The following CAPS2 variants were observed in gnomAD, a reference collection of about 807,000 sequenced individuals.
CAPS2 encodes calcyphosin-2.
A neutral mutation model predicts 86.5 loss-of-function variants in CAPS2; 98 were observed. That is an observed-to-expected ratio of 1.13 (90% CI 0.96 to 1.34). The LOEUF (loss-of-function observed/expected upper bound fraction) is 1.34. CAPS2 is among the 40% of genes most tolerant of loss of function. The pLI, the probability that CAPS2 is intolerant of heterozygous loss-of-function variation, is 0.00. For missense variants in CAPS2, 729 were observed against 686.8 expected (o/e 1.06, Z -0.69); for synonymous variants, 210 against 225.1 (o/e 0.93, Z 0.60).
exon 17 of CAPS2, chr12:75,278,556 C>A (rs1016859999): frequency 3.0e-6 from 3 of 1,006,018 alleles, no homozygotes; most frequent in Non-Finnish European, 3.6e-6. Flanking sequence ...TTGTTTGATG[C>A]AGATGTAACT....
intron 1 of CAPS2, among the ~76,000 whole-genome samples, chr12:75,356,426 T>C (rs908374099): frequency 1.3e-5 from 2 of 152,174 alleles, no homozygotes; most frequent in Non-Finnish European, 2.9e-5. Context: ...ATATGTAAAA[T>C]TGAACCACCT....
chr12:75,293,447 T>G, intron 11 of CAPS2, 80 bp from the exon 12 acceptor site: 1 of 878,446 alleles, frequency 1.1e-6, no homozygotes, highest in East Asian at 2.5e-5. Flanking sequence ...AAATAATGGA[T>G]TTTGATTAAT....
At chr12:75,312,868 C>T (rs1403533047) in exon 7 of CAPS2, 1 of 1,602,168 alleles carries the variant, frequency 6.2e-7, no homozygotes, top group Non-Finnish European at 8.5e-7. Context: ...GGTCTATCAT[C>T]ACTTGCTCTG....
chr12:75,380,006 T>C (rs1051595634), intron 1 of CAPS2, among the ~76,000 whole-genome samples: 1 of 151,900 alleles, frequency 6.6e-6, no homozygotes, highest in African/African-American at 2.4e-5. Context: ...AATCAAAAGG[T>C]ACTATATGTA....
exon 13 of CAPS2, chr12:75,291,816 C>A: frequency 6.5e-7 from 1 of 1,534,222 alleles, no homozygotes; most frequent in Non-Finnish European, 8.9e-7. Flanking sequence ...TCCATAGAAG[C>A]AGTTCTGCAA....
At chr12:75,357,074 C>G (rs1292976103) in intron 1 of CAPS2, among the ~76,000 whole-genome samples, 1 of 152,010 alleles carries the variant, frequency 6.6e-6, no homozygotes, top group Non-Finnish European at 1.5e-5. Flanking sequence ...GCCTGTAGTT[C>G]AGTTACTCAG....
At chr12:75,294,908 A>G (rs1371495687) in intron 11 of CAPS2, 1 of 152,266 alleles carries the variant, frequency 6.6e-6, no homozygotes, top group Non-Finnish European at 1.5e-5. Context: ...AAGAAAAAGA[A>G]AAAAAGAAAG....
At chr12:75,357,148 C>A (rs1294403644) in intron 1 of CAPS2, among the ~76,000 whole-genome samples, 5 of 152,130 alleles carry the variant, frequency 3.3e-5, no homozygotes, top group Non-Finnish European at 7.4e-5. Flanking sequence ...TATAATTTCA[C>A]CACTGTACTC....
exon 14 of CAPS2, chr12:75,289,702 C>A: frequency 6.2e-7 from 1 of 1,612,954 alleles, no homozygotes. Flanking sequence ...CTTCCTTGTC[C>A]AACTGTTGAA....
intron 6 of CAPS2, among the ~76,000 whole-genome samples, chr12:75,313,493 G>T (rs2039440381): frequency 1.3e-5 from 2 of 152,172 alleles, no homozygotes; most frequent in Non-Finnish European, 2.9e-5. Context: ...TTACTAGCTT[G>T]ATTAAGCTTT....
At chr12:75,390,833 C>G (rs1292247410) in intron 1 of CAPS2, 2 of 627,040 alleles carry the variant, frequency 3.2e-6, no homozygotes, top group East Asian at 6.9e-5. Context: ...AAAGGGCTTA[C>G]TCACGTAACA....
At chr12:75,296,129 T>A (rs1459692256) in intron 11 of CAPS2, among the ~76,000 whole-genome samples, 1 of 152,098 alleles carries the variant, frequency 6.6e-6, no homozygotes, top group Non-Finnish European at 1.5e-5. Context: ...GAGGGTAAGA[T>A]TGAGGATGAC....
At chr12:75,287,297 G>A (rs1333751137) in intron 14 of CAPS2, among the ~76,000 whole-genome samples, 2 of 151,676 alleles carry the variant, frequency 1.3e-5, no homozygotes, top group African/African-American at 2.4e-5. Context: ...TTCAAGGCAG[G>A]AATCGTCTCC....
chr12:75,312,642 C>T (rs2138825718), intron 7 of CAPS2, among the ~76,000 whole-genome samples: 1 of 151,872 alleles, frequency 6.6e-6, no homozygotes, highest in African/African-American at 2.4e-5. Flanking sequence ...AAATATTTAA[C>T]AAATAGAACT....
upstream of CAPS2, among the ~76,000 whole-genome samples, chr12:75,331,152 G>C (rs903057136): frequency 8.5e-5 from 13 of 152,108 alleles, no homozygotes; most frequent in Admixed American, 8.5e-4. Context: ...AAGGGAAAAA[G>C]CTGGTTTGAG....
intron 8 of CAPS2, among the ~76,000 whole-genome samples, chr12:75,303,250 C>T (rs1376992301): frequency 6.6e-6 from 1 of 152,182 alleles, no homozygotes; most frequent in African/African-American, 2.4e-5. Context: ...AAGACAAACA[C>T]ATTTCACTAT....
chr12:75,350,095 C>T (rs1013125009), intron 1 of CAPS2, among the ~76,000 whole-genome samples: 22 of 152,332 alleles, frequency 1.4e-4, no homozygotes, highest in African/African-American at 5.1e-4. Context: ...AGAAATTCCC[C>T]ACAGCACAGC....
At chr12:75,344,909 G>C (rs761120404) in intron 1 of CAPS2, among the ~76,000 whole-genome samples, 1 of 152,094 alleles carries the variant, frequency 6.6e-6, no homozygotes, top group Non-Finnish European at 1.5e-5. Flanking sequence ...CTAATACCCT[G>C]AGAATTATGA....
intron 11 of CAPS2, among the ~76,000 whole-genome samples, chr12:75,293,598 A>C (rs940591796): frequency 6.6e-6 from 1 of 152,204 alleles, no homozygotes; most frequent in Non-Finnish European, 1.5e-5. Flanking sequence ...CAAAAAAGTC[A>C]GCAATATAAT....
Sources: allele counts gnomAD v4.1 joint callset (sites outside exome capture counted in the v4.1 genomes callset), GRCh38; gene constraint gnomAD v4.1.1; transcripts MANE v1.5; gene names NCBI Gene and HGNC (gene_info 2026-07-23, HGNC 2026-07-21).